The following CPEB3 variants were observed in gnomAD, a reference collection of about 807,000 sequenced individuals.
The protein encoded by CPEB3 is cytoplasmic polyadenylation element-binding protein 3.
A neutral mutation model predicts 67.2 loss-of-function variants in CPEB3; 20 were observed. That is an observed-to-expected ratio of 0.30 (90% confidence interval 0.21 to 0.43). CPEB3 has a LOEUF of 0.43. Among genes scored for constraint, CPEB3 ranks in the 20% least tolerant of loss-of-function variants. The pLI, the probability that CPEB3 is intolerant of heterozygous loss-of-function variation, is 1.00. For synonymous variants in CPEB3, 376 were observed against 393.1 expected (o/e 0.96, Z 0.51); for missense variants, 746 against 968.6 (o/e 0.77, Z 3.05).
At chr10:92,072,012 A>G (rs1842772586) in intron 9 of CPEB3, among the ~76,000 whole-genome samples, 1 of 152,182 alleles carries the variant, frequency 6.6e-6, no homozygotes, top group South Asian at 2.1e-4. Context: ...AATACTTTAA[A>G]CTCAGTTTTT....
chr10:92,254,767 T>A (rs1852448411), intron 1 of CPEB3, among the ~76,000 whole-genome samples: 1 of 152,148 alleles, frequency 6.6e-6, no homozygotes, highest in South Asian at 2.1e-4. Flanking sequence ...CAAGAGATCC[T>A]CCCACCTCAG....
At chr10:92,289,161 T>C (rs1214281071) in intron 1 of CPEB3, among the ~76,000 whole-genome samples, 1 of 152,176 alleles carries the variant, frequency 6.6e-6, no homozygotes, top group Non-Finnish European at 1.5e-5. Flanking sequence ...GATAATCACC[T>C]GAACCCGGAG....
Position 92,216,446 on chromosome 10 carries a change from G to A in CPEB3, c.1005+22900C>T, listed in dbSNP as rs1449455710. 8 of 1,612,740 alleles carry A rather than the reference G, an allele frequency of 5.0e-6. No individual in the cohort carries two copies. The Admixed American group carries it at 5.0e-5, about 10-fold the overall frequency. On this transcript the variant is annotated intron_variant, in intron 2 of 9. Transcript: ENST00000265997. Reference sequence around the variant, plus strand: ...CCAGAACCCCATCGCGCAGCTCCTGGCTTCTCGCCGCCTCAAGCGGAAGCT... The same window carrying A: ...CCAGAACCCCATCGCGCAGCTCCTGACTTCTCGCCGCCTCAAGCGGAAGCT...
At chr10:92,186,526 G>C (rs1476614333) in intron 3 of CPEB3, among the ~76,000 whole-genome samples, 1 of 151,336 alleles carries the variant, frequency 6.6e-6, no homozygotes, top group Non-Finnish European at 1.5e-5. Context: ...GCTCCACCTC[G>C]TGGGTTCAAG....
intron 7 of CPEB3, among the ~76,000 whole-genome samples, chr10:92,092,404 A>G (rs1003113084): frequency 6.6e-6 from 1 of 152,202 alleles, no homozygotes; most frequent in African/African-American, 2.4e-5. Context: ...AAATTCAAAC[A>G]TATCTTTCAG....
chr10:92,129,867 C>T (rs76251755), intron 6 of CPEB3, among the ~76,000 whole-genome samples: 1 of 151,980 alleles, frequency 6.6e-6, no homozygotes. Context: ...CAGAGCAAGA[C>T]TCTGTCTCCA....
chr10:92,067,298 C>T (rs143539037), intron 9 of CPEB3, among the ~76,000 whole-genome samples: 20,014 of 151,350 alleles, frequency 0.13, 1,473 homozygotes, highest in Middle Eastern at 0.21. Context: ...GTCAGGAGTT[C>T]GAGACCAGCC....
At chr10:92,153,779 T>TCAAAAAG (rs989482722) in intron 4 of CPEB3, among the ~76,000 whole-genome samples, 2 of 152,114 alleles carry the variant, frequency 1.3e-5, no homozygotes, top group African/African-American at 4.8e-5. Flanking sequence ...AGACTCCATC[T>TCAAAAAG]CAAAAAGCAA....
intron 1 of CPEB3, among the ~76,000 whole-genome samples, chr10:92,258,291 G>A (rs1328325971): frequency 2.0e-5 from 3 of 150,572 alleles, no homozygotes; most frequent in Non-Finnish European, 4.4e-5. Context: ...GTAGAGACAG[G>A]ATTTTGACAT....
chr10:92,053,544 C>CTT (rs774865830), intron 9 of CPEB3, among the ~76,000 whole-genome samples: 73 of 108,080 alleles, frequency 6.8e-4, no homozygotes, highest in East Asian at 4.2e-3. Context: ...TTTTCTTTTT[C>CTT]TTTTTTTTTT....
chr10:92,133,826 T>C (rs573974726), intron 6 of CPEB3, among the ~76,000 whole-genome samples: 4 of 152,284 alleles, frequency 2.6e-5, no homozygotes, highest in East Asian at 1.9e-4. Flanking sequence ...CATGATCAAG[T>C]TGGCTTCATC....
Position 92,271,550 on chromosome 10 carries a change from G to A in CPEB3, c.-12+19376C>T, listed in dbSNP as rs531671471. Among the ~76,000 whole-genome samples the A allele has an allele frequency of 2.1e-3, 323 of 152,176 alleles. 2 individuals carry two copies. The highest frequency in any genetic ancestry group is 3.9e-3 in the Non-Finnish European group (268 of 67,994). On this transcript the variant is annotated intron_variant, in intron 1 of 9. Transcript: ENST00000265997. The stretch of plus-strand genomic sequence containing the variant: ...TTTGGTAGAATGACCCTCAATTTTG[G>A]TTTACCTGATGTTTCCTCATGATCG...
At chr10:92,169,517 T>C (rs753577740) in intron 4 of CPEB3, among the ~76,000 whole-genome samples, 12 of 152,220 alleles carry the variant, frequency 7.9e-5, no homozygotes, top group Non-Finnish European at 1.8e-4. Flanking sequence ...AGACAATGTA[T>C]TAAAGCAAGG....
chr10:92,250,003 C>T (rs1025128399), intron 1 of CPEB3, among the ~76,000 whole-genome samples: 2 of 148,746 alleles, frequency 1.3e-5, no homozygotes, highest in African/African-American at 2.5e-5. Flanking sequence ...GCCTGGACAA[C>T]AGAGTGAGAC....
At chr10:92,188,292 C>T (rs1032128359) in intron 3 of CPEB3, among the ~76,000 whole-genome samples, 5 of 34,520 alleles carry the variant, frequency 1.4e-4, no homozygotes, top group South Asian at 1.6e-3. Context: ...TTCTCTCAAA[C>T]GAAAAGAAAA....
intron 2 of CPEB3, among the ~76,000 whole-genome samples, chr10:92,225,906 G>A (rs1050803274): frequency 1.3e-5 from 2 of 152,154 alleles, no homozygotes; most frequent in African/African-American, 4.8e-5. Context: ...AGACCAGCCT[G>A]ACCTACATGG....
intron 4 of CPEB3, among the ~76,000 whole-genome samples, chr10:92,170,386 A>T (rs193089784): frequency 2.0e-5 from 3 of 152,364 alleles, no homozygotes; most frequent in Admixed American, 2.0e-4. Flanking sequence ...ATAATTAAAA[A>T]TGTATATATC....
At chr10:92,235,087 A>G (rs921192533) in intron 2 of CPEB3, among the ~76,000 whole-genome samples, 3 of 152,184 alleles carry the variant, frequency 2.0e-5, no homozygotes, top group African/African-American at 4.8e-5. Flanking sequence ...CATTACTACA[A>G]TGGTCAAAGG....
intron 4 of CPEB3, among the ~76,000 whole-genome samples, chr10:92,167,912 A>AAAAAT (rs1299341560): frequency 6.6e-6 from 1 of 152,158 alleles, no homozygotes; most frequent in African/African-American, 2.4e-5. Context: ...CTGTCTCAAA[A>AAAAAT]AAAATAAAAT....
Sources: allele counts gnomAD v4.1 joint callset (sites outside exome capture counted in the v4.1 genomes callset), GRCh38; gene constraint gnomAD v4.1.1; transcripts MANE v1.5; gene names NCBI Gene and HGNC (gene_info 2026-07-23, HGNC 2026-07-21).